Variants in TEAD1 observed in about 807,000 individuals in gnomAD.
TEAD1 encodes the protein TEA domain transcription factor 1.
In TEAD1, 9 loss-of-function variants were observed where a neutral mutation model predicts 54.9. The ratio of observed to expected loss-of-function variants is 0.16; its 90% confidence interval spans 0.10 to 0.29. The LOEUF (loss-of-function observed/expected upper bound fraction) is 0.29. TEAD1 is among the 10% of genes least tolerant of loss of function. The pLI is 1.00. For missense variants in TEAD1, 387 were observed against 535.9 expected, an observed-to-expected ratio of 0.72 and a Z score of 2.74; for synonymous variants, 200 against 187.8, an observed-to-expected ratio of 1.07 and a Z score of -0.53.
chr11:12,841,592 C>T (rs1032179881), intron 3 of TEAD1, among the ~76,000 whole-genome samples: 5 of 152,118 alleles, frequency 3.3e-5, no homozygotes, highest in Non-Finnish European at 7.3e-5. Context: ...TGGTAGCTGC[C>T]CTTCTTTCAG....
intron 2 of TEAD1, among the ~76,000 whole-genome samples, chr11:12,707,826 T>A (rs562820439): frequency 6.6e-6 from 1 of 152,214 alleles, no homozygotes; most frequent in Non-Finnish European, 1.5e-5. Flanking sequence ...GTCAACTCTG[T>A]TTAAGGAAAC....
At chr11:12,857,280 T>G (rs1432766070) in intron 3 of TEAD1, among the ~76,000 whole-genome samples, 1 of 152,220 alleles carries the variant, frequency 6.6e-6, no homozygotes, top group East Asian at 1.9e-4. Flanking sequence ...TCAGGTTGTG[T>G]TTGTCCTTGC....
chr11:12,910,113 C>G (rs559468711), intron 10 of TEAD1, among the ~76,000 whole-genome samples: 16 of 152,264 alleles, frequency 1.1e-4, no homozygotes, highest in South Asian at 4.1e-4. Flanking sequence ...AACAAAATGT[C>G]AACAGCCTTG....
intron 2 of TEAD1, among the ~76,000 whole-genome samples, chr11:12,758,405 GTTTTTTTTTT>G (rs1200374096): frequency 3.5e-5 from 3 of 85,728 alleles, no homozygotes; most frequent in East Asian, 3.0e-4. Context: ...CGCCCAGCTA[GTTTTTTTTTT>G]TTTTTTTTTT....
At chr11:12,915,163 C>T (rs1246812864) in intron 10 of TEAD1, among the ~76,000 whole-genome samples, 3 of 152,122 alleles carry the variant, frequency 2.0e-5, no homozygotes, top group Non-Finnish European at 2.9e-5. Context: ...GACCCTGTGC[C>T]CCTGCTGTCC....
At chr11:12,841,861 A>G (rs1410548360) in intron 3 of TEAD1, among the ~76,000 whole-genome samples, 1 of 152,200 alleles carries the variant, frequency 6.6e-6, no homozygotes, top group Non-Finnish European at 1.5e-5. Flanking sequence ...GTGACTGCTA[A>G]TGGCAGACTC....
chr11:12,864,050 G>T (rs1388184341), intron 4 of TEAD1, among the ~76,000 whole-genome samples: 2 of 138,014 alleles, frequency 1.4e-5, no homozygotes, highest in Non-Finnish European at 3.1e-5. Context: ...AGAGTGGAAG[G>T]ATTAAAGATT....
At chr11:12,849,804 C>CTGCTATT (rs927769139) in intron 3 of TEAD1, among the ~76,000 whole-genome samples, 87 of 152,280 alleles carry the variant, frequency 5.7e-4, no homozygotes, top group African/African-American at 1.8e-3. Flanking sequence ...AACCTCATTC[C>CTGCTATT]TGCTATTTAT....
rs1949179999 is a variant in TEAD1, at chr11:12,943,581, C to A, written c.*6359C>A. 1 of 152,200 alleles carries A rather than the reference C, an allele frequency of 6.6e-6. No homozygotes were observed. Among genetic ancestry groups the A allele is most frequent in the African/African-American group, 2.4e-5 (1 of 41,440 alleles). The allele number at this position is 152,200 out of a possible 1,614,324, so 9.4% of individuals were successfully genotyped here. A position where few individuals can be genotyped will look rare whatever the true frequency, so the allele number is the denominator to read the frequency against. On this transcript the variant is annotated 3_prime_UTR_variant, in exon 13 of 13. Coordinates refer to ENST00000527636, the MANE Select transcript of TEAD1 (RefSeq NM_021961.6). ...TACATCGCTTTAGTATTTGAGATGG[C>A]ATTTATGTTTCCTCTCGTTTATCAT...
chr11:12,941,490 C>G lies in TEAD1; in HGVS notation c.*4268C>G, dbSNP rs992051401. 1 of 152,260 alleles carries G rather than the reference C, an allele frequency of 6.6e-6. No homozygotes were observed. Among genetic ancestry groups the G allele is most frequent in the African/African-American group, 2.4e-5 (1 of 41,428 alleles). 9.4% of individuals were successfully genotyped at this position (152,260 alleles called of 1,614,324 possible). ...GGTGGCTTTAGCAGTTGTTTTTGTG[C>G]AACTATAAATTATTTAAATCATCTG... is the stretch of plus-strand genomic sequence containing the variant. On this transcript the variant is annotated 3_prime_UTR_variant, in exon 13 of 13. Transcript: ENST00000527636.
At chr11:12,872,810 G>T (rs1037489606) in intron 5 of TEAD1, among the ~76,000 whole-genome samples, 1 of 152,176 alleles carries the variant, frequency 6.6e-6, no homozygotes, top group Admixed American at 6.5e-5. Context: ...AGTATTTCAG[G>T]TCCCGAGCAG....
intron 3 of TEAD1, among the ~76,000 whole-genome samples, chr11:12,765,372 C>T (rs1018538047): frequency 1.2e-4 from 18 of 152,182 alleles, no homozygotes; most frequent in Admixed American, 2.0e-4. Context: ...ACAGAGTTCG[C>T]ACTGTAGCTG....
chr11:12,698,143 G>A (rs1472859763), intron 2 of TEAD1, among the ~76,000 whole-genome samples: 1 of 152,138 alleles, frequency 6.6e-6, no homozygotes, highest in Non-Finnish European at 1.5e-5. Context: ...ATGCTTTAGA[G>A]TTGACAGAGC....
chr11:12,900,272 G>C (rs1212518911), intron 9 of TEAD1, among the ~76,000 whole-genome samples: 1 of 151,688 alleles, frequency 6.6e-6, no homozygotes, highest in Non-Finnish European at 1.5e-5. Context: ...TGTTGTCCAG[G>C]CTGGTCTCAA....
intron 9 of TEAD1, among the ~76,000 whole-genome samples, chr11:12,885,660 C>A (rs1948072512): frequency 6.6e-6 from 1 of 152,070 alleles, no homozygotes; most frequent in Non-Finnish European, 1.5e-5. Flanking sequence ...TTTTGCTTCC[C>A]TGGTTAAAAT....
Position 12,902,041 on chromosome 11 carries a change from T to C in TEAD1, c.801T>C (p.Pro267=). 6.8e-6 allele frequency: 11 copies of C among 1,614,258 alleles called. No homozygotes were observed. Among genetic ancestry groups the C allele is most frequent in the Non-Finnish European group, 9.3e-6 (11 of 1,180,052 alleles). ...TTCGTCAGATTTATGACAAATTTCC[T>C]GAAAAGAAAGGTGGCTTAAAGGAAC... The change falls in exon 10 of 13, where the codon CCT becomes CCC. Residue 267 remains proline, a synonymous_variant. Transcript: ENST00000527636.
At chr11:12,696,232 G>A (rs1943579094) in intron 2 of TEAD1, among the ~76,000 whole-genome samples, 1 of 152,152 alleles carries the variant, frequency 6.6e-6, no homozygotes, top group African/African-American at 2.4e-5. Context: ...TCGTAATTGT[G>A]TTGGACAGGT....
chr11:12,846,498 T>C (rs1358272795), intron 3 of TEAD1, among the ~76,000 whole-genome samples: 1 of 152,036 alleles, frequency 6.6e-6, no homozygotes, highest in African/African-American at 2.4e-5. Context: ...TAGTTTGGGC[T>C]CTGCCTTTTT....
At chr11:12,790,526 C>T (rs987446575) in intron 3 of TEAD1, among the ~76,000 whole-genome samples, 1 of 152,182 alleles carries the variant, frequency 6.6e-6, no homozygotes, top group Non-Finnish European at 1.5e-5. Context: ...GAATATAATT[C>T]TATTAAACTT....
Sources: allele counts gnomAD v4.1 joint callset (sites outside exome capture counted in the v4.1 genomes callset), GRCh38; gene constraint gnomAD v4.1.1; transcripts MANE v1.5; gene names NCBI Gene and HGNC (gene_info 2026-07-23, HGNC 2026-07-21).